Variants in SUSD1 observed in about 807,000 individuals in gnomAD.
SUSD1 encodes sushi domain containing 1.
Under a neutral mutation model 86.9 loss-of-function variants are expected in SUSD1, and 65 were observed. The observed-to-expected ratio is 0.75, with a 90% CI of 0.61 to 0.92. SUSD1 has a LOEUF of 0.92. Among genes scored for constraint, SUSD1 ranks in the 40% least tolerant of loss-of-function variants. The pLI is 0.00. For missense variants in SUSD1, 850 were observed against 929.7 expected, an observed-to-expected ratio of 0.91 and a Z score of 1.11; for synonymous variants, 346 against 350.0, an observed-to-expected ratio of 0.99 and a Z score of 0.13.
At chr9:112,115,529 G>A (rs1831274014) in intron 6 of SUSD1, among the ~76,000 whole-genome samples, 1 of 152,102 alleles carries the variant, frequency 6.6e-6, no homozygotes, top group South Asian at 2.1e-4. Flanking sequence ...TGGGCCAAGT[G>A]GGTGCGGTGG....
At chr9:112,051,545 CCTCAGCCTCCCGAGTAGCTGAGATT>C (rs1177010124) in intron 15 of SUSD1, among the ~76,000 whole-genome samples, 1 of 151,278 alleles carries the variant, frequency 6.6e-6, no homozygotes, top group African/African-American at 2.4e-5. Context: ...GATTCTCCTG[CCTCAGCCTCCCGAGTAGCTGAGATT>C]ACAGGCATGT....
chr9:112,098,638 A>C lies in SUSD1; in HGVS notation c.1306T>G (p.Tyr436Asp). The C allele has an allele frequency of 1.2e-6, 2 of 1,614,200 alleles. No individual in the cohort carries two copies. The highest frequency in any genetic ancestry group is 1.7e-6 in the Non-Finnish European group (2 of 1,180,028). ...GTTGCATGAGAAAAGTTAGCCAGAT[A>C]CCACCTCTGACCCAGAACGGTAAAC... ...YQFTVLGQRW[Y>D]LANFSHATSF... The change falls in exon 10 of 17, where the codon TAT (tyrosine) becomes GAT (aspartate). Residue 436 changes from tyrosine to aspartate, a missense_variant. Physicochemically the swap from Tyr to Asp is radical, Grantham distance 160. Transcript: ENST00000374270.
intron 8 of SUSD1, among the ~76,000 whole-genome samples, chr9:112,106,216 G>A (rs779650521): frequency 3.9e-4 from 59 of 151,880 alleles, no homozygotes; most frequent in Non-Finnish European, 6.8e-4. Context: ...CAGGTGATCC[G>A]CCCACCTAAG....
At chr9:112,089,811 CAAAAA>C (rs3983407) in intron 10 of SUSD1, among the ~76,000 whole-genome samples, 47 of 115,946 alleles carry the variant, frequency 4.1e-4, no homozygotes, top group African/African-American at 9.2e-4. Flanking sequence ...GATTCCATCT[CAAAAA>C]AAAAAAAAAA....
At position 112,111,644 on chromosome 9, in the gene SUSD1, C is replaced by A. The variant is rs200654963; in HGVS notation, c.1171+10G>T. On this transcript the variant is annotated intron_variant, in intron 8 of 16. Transcript: ENST00000374270. The stretch of plus-strand genomic sequence containing the variant: ...TTTCTAGGAGGAAATGAGACTTCAC[C>A]TCCACCTACCAGCTGTCTGGAAACC... The A allele has an allele frequency of 8.1e-6, 13 of 1,611,012 alleles. No individual in the cohort carries two copies. The East Asian group carries it at 2.7e-4, about 33-fold the overall frequency.
intron 10 of SUSD1, among the ~76,000 whole-genome samples, chr9:112,084,595 C>T (rs1037159332): frequency 6.6e-6 from 1 of 152,134 alleles, no homozygotes; most frequent in African/African-American, 2.4e-5. Context: ...CGCTTCCCTC[C>T]ATTCAAGTGG....
intron 1 of SUSD1, among the ~76,000 whole-genome samples, chr9:112,164,252 G>C (rs1833688314): frequency 6.6e-6 from 1 of 152,122 alleles, no homozygotes; most frequent in Non-Finnish European, 1.5e-5. Flanking sequence ...GGCCTTAGAG[G>C]AAGGCAGCCA....
intron 9 of SUSD1, among the ~76,000 whole-genome samples, chr9:112,099,496 G>A (rs1437755097): frequency 4.6e-5 from 7 of 152,090 alleles, no homozygotes; most frequent in Non-Finnish European, 5.9e-5. Flanking sequence ...CAAAGCAAAT[G>A]CCATGGTACT....
chr9:112,171,929 C>T (rs1368104818), intron 1 of SUSD1, among the ~76,000 whole-genome samples: 2 of 152,152 alleles, frequency 1.3e-5, no homozygotes, highest in Non-Finnish European at 1.5e-5. Flanking sequence ...GGAGCAGTGG[C>T]TTATGCCTGT....
chr9:112,128,944 A>G (rs1301244119), intron 5 of SUSD1, among the ~76,000 whole-genome samples: 1 of 152,206 alleles, frequency 6.6e-6, no homozygotes, highest in Non-Finnish European at 1.5e-5. Context: ...CTTGGGTTTT[A>G]TTTTAAAAGC....
intron 15 of SUSD1, among the ~76,000 whole-genome samples, chr9:112,047,818 G>T (rs1003150455): frequency 6.6e-6 from 1 of 151,884 alleles, no homozygotes; most frequent in Non-Finnish European, 1.5e-5. Flanking sequence ...TTGTTCTGGT[G>T]AGCATGTAGC....
intron 12 of SUSD1, among the ~76,000 whole-genome samples, chr9:112,075,273 C>G (rs540474665): frequency 9.9e-5 from 15 of 152,182 alleles, no homozygotes; most frequent in Non-Finnish European, 1.5e-4. Flanking sequence ...ATACCACCCA[C>G]TGGCTGTTAT....
intron 15 of SUSD1, among the ~76,000 whole-genome samples, chr9:112,044,613 T>G (rs1381376358): frequency 3.3e-5 from 5 of 152,240 alleles, no homozygotes; most frequent in Non-Finnish European, 7.3e-5. Flanking sequence ...GGCTAACCAT[T>G]TAGAATCAAA....
At chr9:112,159,199 G>A (rs1011270879) in intron 1 of SUSD1, among the ~76,000 whole-genome samples, 1 of 152,238 alleles carries the variant, frequency 6.6e-6, no homozygotes, top group South Asian at 2.1e-4. Flanking sequence ...AGGCTATGTG[G>A]TATACTGTGT....
intron 1 of SUSD1, among the ~76,000 whole-genome samples, chr9:112,168,533 G>C (rs1212602404): frequency 6.6e-6 from 1 of 152,170 alleles, no homozygotes; most frequent in African/African-American, 2.4e-5. Context: ...GCCAGCTTCT[G>C]AGAAACACTC....
intron 12 of SUSD1, among the ~76,000 whole-genome samples, chr9:112,066,567 A>T (rs906718232): frequency 6.6e-6 from 1 of 152,198 alleles, no homozygotes; most frequent in African/African-American, 2.4e-5. Context: ...CAAACCTGGA[A>T]GAGACCATGG....
rs1466656644 is a variant in SUSD1 at position 112,058,688 on chromosome 9, T to G, written c.1851-2A>C. 2 of 1,610,828 alleles carry G rather than the reference T, an allele frequency of 1.2e-6. No individual in the cohort carries two copies. The highest frequency in any genetic ancestry group is 1.3e-5 in the African/African-American group (1 of 74,626). On this transcript the variant is annotated splice_acceptor_variant, in intron 13 of 16. Transcript: ENST00000374270. LOFTEE classifies it high-confidence loss of function. ...GGAAGCACTAACACCTGATATGAACTGGAAGAAAAAAGGAGAAGTGTCCAT... is the reference window on the plus strand; with the variant it reads ...GGAAGCACTAACACCTGATATGAACGGGAAGAAAAAAGGAGAAGTGTCCAT...
At chr9:112,073,907 AGAAAGG>A (rs1788388631) in intron 12 of SUSD1, among the ~76,000 whole-genome samples, 1 of 151,986 alleles carries the variant, frequency 6.6e-6, no homozygotes, top group Admixed American at 6.6e-5. Context: ...TCTCAAAAAA[AGAAAGG>A]GAAAGGGAAA....
intron 10 of SUSD1, among the ~76,000 whole-genome samples, chr9:112,096,817 C>T (rs888405413): frequency 6.6e-6 from 1 of 152,144 alleles, no homozygotes; most frequent in African/African-American, 2.4e-5. Context: ...TGGAATTAGA[C>T]GTGAGCTACT....
Sources: gnomAD v4.1 joint callset for allele counts (sites outside exome capture counted in the v4.1 genomes callset) on GRCh38, gnomAD v4.1.1 for gene constraint, MANE v1.5 for transcripts, NCBI Gene and HGNC (gene_info 2026-07-23, HGNC 2026-07-21) for gene names.